KAT7: variants seen among roughly 807,000 people sequenced by gnomAD.
KAT7 encodes the protein histone acetyltransferase KAT7.
Under a neutral mutation model 82.1 loss-of-function variants are expected in KAT7, and 10 were observed. The ratio of observed to expected loss-of-function variants is 0.12; its 90% CI spans 0.08 to 0.21. The LOEUF (loss-of-function observed/expected upper bound fraction) is 0.21, where lower values mean the gene tolerates loss of function less well. Among genes scored for constraint, KAT7 ranks in the 10% least tolerant of loss-of-function variants. The pLI, the probability that KAT7 is intolerant of heterozygous loss-of-function variation, is 1.00. For missense variants in KAT7, 378 were observed against 760.9 expected (o/e 0.50, Z 5.92); for synonymous variants, 250 against 262.5 (o/e 0.95, Z 0.46).
In KAT7 at chr17:49,811,546, T is replaced by C. The variant is rs2074165607; in HGVS notation, c.824T>C (p.Leu275Pro). 6.5e-7 allele frequency: 1 copy of C among 1,536,412 alleles called. No individual in the cohort carries two copies. The highest frequency in any genetic ancestry group is 1.2e-5 in the South Asian group (1 of 80,654). ...AELRKKRNSG[L>P]SKEQKEKYME... ...CTCAGGAAGAAAAGAAATTCTGGAC[T>C]GAGCAAAGAACAGAAAGAGAAATAT... The change falls in exon 7 of 15, where the codon CTG becomes CCG. Residue 275 changes from leucine (L) to proline (P), a missense_variant. This residue lies in a region of KAT7 where 102 missense variants were observed against 129.8 expected (regional missense o/e 0.79). Coordinates refer to ENST00000259021, the MANE Select transcript of KAT7 (RefSeq NM_007067.5).
chr17:49,790,962 ACTC>A (rs1382981193), intron 1 of KAT7, among the ~76,000 whole-genome samples: 3 of 152,216 alleles, frequency 2.0e-5, no homozygotes, highest in South Asian at 2.1e-4. Context: ...CTAAGAAAGA[ACTC>A]CTCAGGAGGA....
intron 11 of KAT7, 42 bp downstream of exon 11, chr17:49,821,832 G>C (rs1229982282): frequency 1.2e-6 from 2 of 1,602,980 alleles, no homozygotes; most frequent in Non-Finnish European, 1.7e-6. Flanking sequence ...GGCCAGAGCA[G>C]GGTGATCCAT....
At chr17:49,805,518 TG>T in intron 5 of KAT7, 73 bp downstream of exon 5, 1 of 1,056,342 alleles carries the variant, frequency 9.5e-7, no homozygotes, top group Non-Finnish European at 1.5e-6. Flanking sequence ...TGCTGAACAC[TG>T]GGGATACAGT....
intron 6 of KAT7, among the ~76,000 whole-genome samples, chr17:49,810,438 G>A (rs528704925): frequency 2.6e-5 from 4 of 152,052 alleles, no homozygotes; most frequent in Non-Finnish European, 4.4e-5. Flanking sequence ...TGTATTTTTA[G>A]TAGAGACAGG....
intron 7 of KAT7, among the ~76,000 whole-genome samples, chr17:49,813,819 G>A (rs1330729725): frequency 6.6e-6 from 1 of 151,736 alleles, no homozygotes; most frequent in Non-Finnish European, 1.5e-5. Flanking sequence ...GGAGGTTGTG[G>A]GGGCGTTCCT....
intron 4 of KAT7, among the ~76,000 whole-genome samples, chr17:49,803,350 G>A (rs989092936): frequency 9.2e-5 from 14 of 151,416 alleles, no homozygotes; most frequent in South Asian, 2.1e-4. Context: ...TACCTGCCTC[G>A]GCCTCCCAAA....
rs2074412252 is a variant in KAT7, at chr17:49,830,182, T to TTA, written c.*2681_*2682insAT. 8.0e-6 allele frequency: 1 copy of TTA among 125,142 alleles called. No individual in the cohort carries two copies. The highest frequency in any genetic ancestry group is 7.8e-5 in the Admixed American group (1 of 12,772). 7.8% of individuals were successfully genotyped at this position (125,142 alleles called of 1,614,324 possible). ...CGTGAGCCACTGCACCCGACCTATT[T>TTA]TTTTTTTTTTTTTTTTTTTTTTTTT... is the stretch of plus-strand genomic sequence containing the variant. On this transcript the variant is annotated 3_prime_UTR_variant, in exon 15 of 15. Transcript: ENST00000259021.
At position 49,831,049 on chromosome 17, in the gene KAT7, A is replaced by C. The variant is rs2074421111; in HGVS notation, c.*3547A>C. 2.0e-5 allele frequency: 3 copies of C among 152,310 alleles called. No individual in the cohort carries two copies. The South Asian group carries it at 6.2e-4, about 31-fold the overall frequency. 9.4% of individuals were successfully genotyped at this position (152,310 alleles called of 1,614,324 possible). ...GTAATCTCAGCACTTTGGGAGGCCA[A>C]GGCGGGCAGATCGCTTGAGTCCAGG... is the stretch of plus-strand genomic sequence containing the variant. On this transcript the variant is annotated 3_prime_UTR_variant, in exon 15 of 15. Transcript: ENST00000259021.
rs1032872803 is a variant in KAT7, at chr17:49,831,009, G to A, written c.*3507G>A. 1.3e-5 allele frequency: 2 copies of A among 152,136 alleles called. No individual in the cohort carries two copies. The highest frequency in any genetic ancestry group is 4.8e-5 in the African/African-American group (2 of 41,418). The allele number at this position is 152,136 out of a possible 1,614,324, so 9.4% of individuals were successfully genotyped here. On this transcript the variant is annotated 3_prime_UTR_variant, in exon 15 of 15. Transcript: ENST00000259021. The stretch of plus-strand genomic sequence containing the variant: ...ACTGATTTTTAAGCCAGCTGTGATA[G>A]CTCTGTAATAGTCTGTAATCTCAGC...
At chr17:49,815,526 T>C (rs1047582599) in intron 7 of KAT7, 12 of 291,164 alleles carry the variant, frequency 4.1e-5, no homozygotes, top group Non-Finnish European at 7.0e-5. Flanking sequence ...AACAGCGTTC[T>C]GATCCACAAA....
At position 49,830,058 on chromosome 17, in the gene KAT7, A is replaced by C. The variant is rs1341976229; in HGVS notation, c.*2556A>C. On this transcript the variant is annotated 3_prime_UTR_variant, in exon 15 of 15. Coordinates refer to ENST00000259021, the MANE Select transcript of KAT7 (RefSeq NM_007067.5). ...ATGCCCAGCTAATTTTTGTATTTTTAGTAGAGACAGGGTTTCGTCATGTTG... is the reference window on the plus strand; with the variant it reads ...ATGCCCAGCTAATTTTTGTATTTTTCGTAGAGACAGGGTTTCGTCATGTTG... 1 of 151,688 alleles carries C rather than the reference A, an allele frequency of 6.6e-6. No homozygotes were observed. The highest frequency in any genetic ancestry group is 2.4e-5 in the African/African-American group (1 of 41,268). The allele number at this position is 151,688 out of a possible 1,614,324, so 9.4% of individuals were successfully genotyped here.
intron 5 of KAT7, among the ~76,000 whole-genome samples, chr17:49,808,120 CTTT>C (rs71146937): frequency 4.4e-5 from 5 of 112,808 alleles, no homozygotes; most frequent in African/African-American, 3.4e-5. Flanking sequence ...CCCAGGTTTT[CTTT>C]TTTTTTTTTT....
At chr17:49,821,616 G>A in intron 10 of KAT7, 34 bp from the exon 11 acceptor site, 1 of 1,611,466 alleles carries the variant, frequency 6.2e-7, no homozygotes, top group Admixed American at 1.7e-5. Flanking sequence ...AGGAATCAGT[G>A]GCCCACACAT....
intron 14 of KAT7, 175 bp downstream of exon 14, chr17:49,826,974 A>G (rs2074375981): frequency 3.8e-6 from 2 of 522,178 alleles, no homozygotes; most frequent in African/African-American, 3.8e-5. Flanking sequence ...TATCCTTATC[A>G]GAAGGTTTTG....
intron 9 of KAT7, 73 bp downstream of exon 9, chr17:49,818,084 C>G (rs548318161): frequency 8.0e-7 from 1 of 1,255,254 alleles, no homozygotes; most frequent in Non-Finnish European, 1.1e-6. Flanking sequence ...TTTGCCATAG[C>G]GATGGCATCT....
intron 1 of KAT7, 92 bp downstream of exon 1, chr17:49,788,941 C>G: frequency 8.1e-7 from 1 of 1,235,538 alleles, no homozygotes; most frequent in East Asian, 2.9e-5. Context: ...TGCTTGGGTC[C>G]CAACTTTCCG....
At chr17:49,797,713 A>G (rs1212220044) in intron 3 of KAT7, among the ~76,000 whole-genome samples, 1 of 152,252 alleles carries the variant, frequency 6.6e-6, no homozygotes, top group Admixed American at 6.5e-5. Flanking sequence ...AACAATGAAA[A>G]GATCTGGGAA....
chr17:49,798,410 C>T lies in KAT7; in HGVS notation c.432C>T (p.Ser144=). The change falls in exon 4 of 15, where the codon AGC becomes AGT. Residue 144 remains serine, a synonymous_variant. Transcript: ENST00000259021. ...PSSESDIDIS[S]PNVSHDESIA... ...CTGAGTCTGACATAGACATCTCCAG[C>T]CCCAATGTATCTCACGATGAGAGCA... 1 of 1,614,210 alleles carries T rather than the reference C, an allele frequency of 6.2e-7. No individual in the cohort carries two copies. Among genetic ancestry groups the T allele is most frequent in the Non-Finnish European group, 8.5e-7 (1 of 1,180,026 alleles).
At chr17:49,795,587 A>T in intron 2 of KAT7, 1 of 241,204 alleles carries the variant, frequency 4.1e-6, no homozygotes, top group South Asian at 7.0e-5. Flanking sequence ...CAGATGGCTT[A>T]TTCAAACCTA....
Sources: gnomAD v4.1 joint callset for allele counts (sites outside exome capture counted in the v4.1 genomes callset) on GRCh38, gnomAD v4.1.1 for gene constraint, gnomAD v4.1.1 regional missense constraint, MANE v1.5 for transcripts, NCBI Gene and HGNC (gene_info 2026-07-23, HGNC 2026-07-21) for gene names.